PLAGL1: variants seen among roughly 807,000 people sequenced by gnomAD.
PLAGL1 encodes zinc finger protein PLAGL1.
In PLAGL1, 1 loss-of-function variant was observed where a neutral mutation model predicts 4.6. That is an observed-to-expected ratio of 0.22 (90% CI 0.08 to 1.03). PLAGL1 has a LOEUF of 1.03. PLAGL1 is among the 50% of genes least tolerant of loss of function. The pLI is 0.58. For missense variants in PLAGL1, 464 were observed against 570.4 expected (o/e 0.81, Z 1.90); for synonymous variants, 240 against 237.8 (o/e 1.01, Z -0.08).
At chr6:143,967,248 G>A (rs1490427939) in intron 3 of PLAGL1, 1 of 152,182 alleles carries the variant, frequency 6.6e-6, no homozygotes. Flanking sequence ...TGCGTTACAC[G>A]TGTACATACA....
chr6:143,998,872 A>T (rs1792242089), intron 1 of PLAGL1, among the ~76,000 whole-genome samples: 1 of 152,208 alleles, frequency 6.6e-6, no homozygotes, highest in South Asian at 2.1e-4. Flanking sequence ...GGTTAGGACC[A>T]CCTGTGCCAC....
rs1034653269 is a variant in PLAGL1 at position 143,964,465 on chromosome 6, G to T, written c.-399+322C>A. 6.6e-6 allele frequency among the ~76,000 whole-genome samples: 1 copy of T among 152,180 alleles called. No individual in the cohort carries two copies. Among genetic ancestry groups the T allele is most frequent in the African/African-American group, 2.4e-5 (1 of 41,436 alleles). On this transcript the variant is annotated intron_variant, in intron 5 of 7. Transcript: ENST00000674357. This position sits in a 1 kb window ranked among gnomAD's most constrained non-coding sequence, Gnocchi z 4.3. The stretch of plus-strand genomic sequence containing the variant: ...GACTGGAGTCCGTTTTCATTATGGG[G>T]AATGAAAACAGTAATGCTTCTTGCA...
Position 143,941,925 on chromosome 6 carries a change from G to A in PLAGL1, c.891C>T (p.Pro297=), listed in dbSNP as rs1778682293. ...PSVSPGSPPP[P]LPNHKYNTTS... ...TGGTGTTGTACTTGTGATTGGGAAG[G>A]GGTGGCGGAGGAGAGCCAGGGGATA... The change falls in exon 8 of 8, where the codon CCC becomes CCT. Residue 297 remains proline, a synonymous_variant. Transcript: ENST00000674357. This position sits in a 1 kb window ranked among gnomAD's most constrained non-coding sequence, Gnocchi z 6.0. The A allele has an allele frequency of 6.2e-7, 1 of 1,610,318 alleles. No homozygotes were observed. Among genetic ancestry groups the A allele is most frequent in the Middle Eastern group, 1.7e-4 (1 of 6,056 alleles).
chr6:144,033,768 G>A (rs1797006113), intron 1 of PLAGL1, among the ~76,000 whole-genome samples: 1 of 152,100 alleles, frequency 6.6e-6, no homozygotes, highest in South Asian at 2.1e-4. Context: ...ACAAAATCCA[G>A]CATAAAACAA....
Position 144,000,048 on chromosome 6 carries a change from G to C in PLAGL1, c.-584+8042C>G, listed in dbSNP as rs1328797679. Among the ~76,000 whole-genome samples, 1 of 152,100 alleles carries C rather than the reference G, an allele frequency of 6.6e-6. No individual in the cohort carries two copies. Among genetic ancestry groups the C allele is most frequent in the African/African-American group, 2.4e-5 (1 of 41,416 alleles). On this transcript the variant is annotated intron_variant, in intron 1 of 7. Coordinates refer to ENST00000674357, the MANE Select transcript of PLAGL1 (RefSeq NM_001317162.2). This position sits in a 1 kb window ranked among gnomAD's most constrained non-coding sequence, Gnocchi z 4.1. ...ACTAGGAATTGAATGCAAGCAATCT[G>C]GCTTCACAGTCCAATAGATTCAGAA...
chr6:144,023,241 T>C (rs1554276851), intron 1 of PLAGL1, among the ~76,000 whole-genome samples: 1 of 152,158 alleles, frequency 6.6e-6, no homozygotes, highest in Non-Finnish European at 1.5e-5. Context: ...AGGAAGTAGA[T>C]TGACTGGGTG....
In PLAGL1 at chr6:143,961,844, T is replaced by C. The variant is rs959726888; in HGVS notation, c.-398-1302A>G. On this transcript the variant is annotated intron_variant, in intron 5 of 7. Transcript: ENST00000674357. The surrounding 1 kb of genome is among the most constrained non-coding windows in gnomAD (Gnocchi z 6.5). ...CACAAACGGACAATACCAATTTATG[T>C]ATTCAAAGAGGCAGGGGTTCTTCTG... 7.2e-5 allele frequency among the ~76,000 whole-genome samples: 11 copies of C among 152,230 alleles called. No individual in the cohort carries two copies. The highest frequency in any genetic ancestry group is 2.9e-5 in the Non-Finnish European group (2 of 68,042).
Position 144,063,367 on chromosome 6 carries a change from TC to T in PLAGL1, c.-151+1100del, listed in dbSNP as rs1434477742. 2.6e-5 allele frequency among the ~76,000 whole-genome samples: 4 copies of T among 152,210 alleles called. No homozygotes were observed. Among genetic ancestry groups the T allele is most frequent in the Middle Eastern group, 3.4e-3 (1 of 294 alleles). On this transcript the variant is annotated intron_variant, in intron 1 of 3. Coordinates refer to the PLAGL1 transcript ENST00000437412. This position sits in a 1 kb window ranked among gnomAD's most constrained non-coding sequence, Gnocchi z 5.7. ...CTCCTTCCTGATGCCTAACTAGGCG[TC>T]CCCAGCCATATCCCCGGGGCAGCTT...
At chr6:144,032,773 G>A (rs953167928) in intron 1 of PLAGL1, among the ~76,000 whole-genome samples, 1 of 152,018 alleles carries the variant, frequency 6.6e-6, no homozygotes, top group African/African-American at 2.4e-5. Context: ...TGTTGGCCAG[G>A]CTGGTCAAAC....
chr6:143,981,388 G>A (rs918301064), intron 2 of PLAGL1, among the ~76,000 whole-genome samples: 2 of 152,064 alleles, frequency 1.3e-5, no homozygotes, highest in African/African-American at 4.8e-5. Flanking sequence ...GCCTCCAGGA[G>A]AGCCCTCTGA....
At chr6:144,052,052 CA>C (rs947773480) in intron 1 of PLAGL1, among the ~76,000 whole-genome samples, 9 of 152,190 alleles carry the variant, frequency 5.9e-5, no homozygotes, top group African/African-American at 1.9e-4. Flanking sequence ...TTCATTTTAC[CA>C]AATTAAAACT....
At position 144,053,456 on chromosome 6, in the gene PLAGL1, T is replaced by G. The variant is rs1798726349; in HGVS notation, c.-151+11012A>C. On this transcript the variant is annotated intron_variant, in intron 1 of 3. Transcript: ENST00000437412. This position sits in a 1 kb window ranked among gnomAD's most constrained non-coding sequence, Gnocchi z 4.0. ...GCCTAATTAGTCATTAATTCTTGAG[T>G]AGTTCATTCAAGTATAACATCTTGC... is the stretch of plus-strand genomic sequence containing the variant. 6.6e-6 allele frequency among the ~76,000 whole-genome samples: 1 copy of G among 152,170 alleles called. No individual in the cohort carries two copies. Among genetic ancestry groups the G allele is most frequent in the East Asian group, 1.9e-4 (1 of 5,202 alleles).
Position 143,964,841 on chromosome 6 carries a change from A to C in PLAGL1, c.-430-23T>G, listed in dbSNP as rs565593382. The C allele has an allele frequency of 3.3e-5, 5 of 152,348 alleles. No individual in the cohort carries two copies. Among genetic ancestry groups the C allele is most frequent in the Admixed American group, 1.3e-4 (2 of 15,302 alleles). 9.4% of individuals were successfully genotyped at this position (152,348 alleles called of 1,614,324 possible). On this transcript the variant is annotated intron_variant, in intron 4 of 7. Coordinates refer to ENST00000674357, the MANE Select transcript of PLAGL1 (RefSeq NM_001317162.2). This position sits in a 1 kb window ranked among gnomAD's most constrained non-coding sequence, Gnocchi z 4.3. ...TACCTAGAAAGGGAGAGACACACAA[A>C]GTTATCTTTAAGGTCTTTATCTTGA...
intron 2 of PLAGL1, among the ~76,000 whole-genome samples, chr6:143,976,149 T>C (rs1218533099): frequency 6.6e-6 from 1 of 151,810 alleles, no homozygotes; most frequent in Non-Finnish European, 1.5e-5. Flanking sequence ...CAGAATACTG[T>C]GGGAAGACAG....
At chr6:144,001,973 T>C (rs1792998009) in intron 1 of PLAGL1, among the ~76,000 whole-genome samples, 1 of 152,064 alleles carries the variant, frequency 6.6e-6, no homozygotes, top group Non-Finnish European at 1.5e-5. Context: ...CCATGTGGTA[T>C]ATGGGGTGGA....
chr6:144,020,444 C>T (rs1583735368), intron 1 of PLAGL1, among the ~76,000 whole-genome samples: 1 of 151,974 alleles, frequency 6.6e-6, no homozygotes, highest in African/African-American at 2.4e-5. Context: ...CGGGTCACCA[C>T]ACCCAGTTAA....
rs546114495 is a variant in PLAGL1, at chr6:144,063,022, GCTGACAATTTT to G, written c.-151+1435_-151+1445del. The stretch of plus-strand genomic sequence containing the variant: ...CTGGAGCTGGCTCACTTTTCATCCT[GCTGACAATTTT>G]CTGAGTTACAGTTTACACCAACGTT... On this transcript the variant is annotated intron_variant, in intron 1 of 3. Transcript: ENST00000437412. The surrounding 1 kb of genome is among the most constrained non-coding windows in gnomAD (Gnocchi z 5.7). Among the ~76,000 whole-genome samples, 19 of 152,244 alleles carry G rather than the reference GCTGACAATTTT, an allele frequency of 1.2e-4. 1 individual carries two copies. The South Asian group carries it at 3.5e-3, about 28-fold the overall frequency.
At chr6:144,028,275 A>C (rs535247179) in intron 1 of PLAGL1, among the ~76,000 whole-genome samples, 1 of 152,324 alleles carries the variant, frequency 6.6e-6, no homozygotes, top group South Asian at 2.1e-4. Flanking sequence ...TATATATTTT[A>C]AGTCAGTTCT....
At position 143,952,709 on chromosome 6, in the gene PLAGL1, G is replaced by C. The variant is rs1781324891; in HGVS notation, c.-324-4249C>G. On this transcript the variant is annotated intron_variant, in intron 6 of 7. Transcript: ENST00000674357. This position sits in a 1 kb window ranked among gnomAD's most constrained non-coding sequence, Gnocchi z 6.1. ...GTGCTACATAACACATCATCTAATG[G>C]GGCACAACTGCTTTACAACATTCTT... Among the ~76,000 whole-genome samples, 1 of 152,094 alleles carries C rather than the reference G, an allele frequency of 6.6e-6. No homozygotes were observed. The highest frequency in any genetic ancestry group is 6.6e-5 in the Admixed American group (1 of 15,266).
Sources: gnomAD v4.1 joint callset for allele counts (sites outside exome capture counted in the v4.1 genomes callset) on GRCh38, gnomAD v4.1.1 for gene constraint, Gnocchi (gnomAD v3.1) non-coding constraint, MANE v1.5 for transcripts, NCBI Gene and HGNC (gene_info 2026-07-23, HGNC 2026-07-21) for gene names.